NDNF: variants seen among roughly 807,000 people sequenced by gnomAD.
NDNF encodes neuron derived neurotrophic factor, also known as protein NDNF.
In NDNF, 16 loss-of-function variants were observed where a neutral mutation model predicts 42.0. That is an observed-to-expected ratio of 0.38 (90% CI 0.26 to 0.58). NDNF has a LOEUF of 0.58. Ranked by LOEUF, NDNF falls within the 20% of genes least tolerant of loss-of-function variation. The pLI is 0.67. For synonymous variants in NDNF, 248 were observed against 251.7 expected, an observed-to-expected ratio of 0.99 and a Z score of 0.14; for missense variants, 616 against 666.2, an observed-to-expected ratio of 0.92 and a Z score of 0.83.
intron 3 of NDNF, chr4:121,038,242 G>A (rs1350591894): frequency 6.6e-6 from 1 of 152,148 alleles, no homozygotes; most frequent in African/African-American, 2.4e-5. Context: ...GTAGTCCCAG[G>A]TACTTGGGAG....
In NDNF at chr4:121,046,307, T is replaced by G. The variant is rs192736419; in HGVS notation, c.-1-469A>C. Among the ~76,000 whole-genome samples the G allele has an allele frequency of 1.8e-3, 278 of 152,350 alleles. 1 individual carries two copies. The highest frequency in any genetic ancestry group is 6.3e-3 in the African/African-American group (262 of 41,588). ...CTAATTGCTGATATGGTTGAACTATTACATTCAACATAAATCACAGAGACT... is the reference window on the plus strand; with the variant it reads ...CTAATTGCTGATATGGTTGAACTATGACATTCAACATAAATCACAGAGACT... On this transcript the variant is annotated intron_variant, in intron 1 of 3. Coordinates refer to ENST00000379692, the MANE Select transcript of NDNF (RefSeq NM_024574.4).
At chr4:121,057,632 CA>C (rs1308404379) in intron 1 of NDNF, among the ~76,000 whole-genome samples, 2 of 152,162 alleles carry the variant, frequency 1.3e-5, no homozygotes, top group African/African-American at 4.8e-5. Flanking sequence ...TCCCCATTGT[CA>C]GCATGGTTTT....
At chr4:121,039,206 A>AAAGACTATGTATG (rs1560603284) in intron 3 of NDNF, among the ~76,000 whole-genome samples, 12 of 37,538 alleles carry the variant, frequency 3.2e-4, no homozygotes, top group African/African-American at 5.6e-4. Flanking sequence ...ATATATATAT[A>AAAGACTATGTATG]TATATATATA....
Position 121,036,782 on chromosome 4 carries a change from G to C in NDNF, c.1189C>G (p.Leu397Val). ...IQVRRDGKLL[L>V]SQNVEGIQQF... Reference sequence around the variant, plus strand: ...TGAATGCCTTCCACATTCTGAGACAGAAGAAGTTTCCCATCTCTTCTCACT... The same window carrying C: ...TGAATGCCTTCCACATTCTGAGACACAAGAAGTTTCCCATCTCTTCTCACT... Residue 397 changes from leucine to valine, a missense_variant, in exon 4 of 4, where the codon CTG (leucine) becomes GTG (valine). Transcript: ENST00000379692. The C allele has an allele frequency of 3.7e-6, 6 of 1,614,130 alleles. No homozygotes were observed. Among genetic ancestry groups the C allele is most frequent in the Non-Finnish European group, 5.1e-6 (6 of 1,180,012 alleles).
chr4:121,054,139 C>T (rs1486573319), intron 1 of NDNF, among the ~76,000 whole-genome samples: 3 of 152,088 alleles, frequency 2.0e-5, no homozygotes, highest in Non-Finnish European at 4.4e-5. Flanking sequence ...GATACCAAAA[C>T]CTAAATATGG....
At chr4:121,064,021 T>C (rs1316115397) in intron 1 of NDNF, among the ~76,000 whole-genome samples, 2 of 152,250 alleles carry the variant, frequency 1.3e-5, no homozygotes, top group African/African-American at 4.8e-5. Context: ...TATGGTCTTG[T>C]GGATTTAGGC....
chr4:121,053,537 T>G (rs929940079), intron 1 of NDNF, among the ~76,000 whole-genome samples: 2 of 152,186 alleles, frequency 1.3e-5, no homozygotes, highest in African/African-American at 4.8e-5. Context: ...AGTCTGTAAT[T>G]CAGGAAGCCA....
rs558329572 is a variant in NDNF, at chr4:121,068,785, G to C, written c.-2+3208C>G. ...CTTATCATGGAGAAACTAAGGAAAG[G>C]AGATTAAAATAATCTTAATTAGCAC... On this transcript the variant is annotated intron_variant, in intron 1 of 3. Coordinates refer to ENST00000379692, the MANE Select transcript of NDNF (RefSeq NM_024574.4). Among the ~76,000 whole-genome samples the C allele has an allele frequency of 8.5e-5, 13 of 152,150 alleles. No individual in the cohort carries two copies. The East Asian group carries it at 2.5e-3, about 29-fold the overall frequency.
chr4:121,045,202 A>G lies in NDNF; in HGVS notation c.188+448T>C, dbSNP rs189960379. Among the ~76,000 whole-genome samples the G allele has an allele frequency of 2.4e-4, 36 of 152,158 alleles. No homozygotes were observed. The East Asian group carries it at 4.9e-3, about 21-fold the overall frequency. ...CCCGTCTCTATTAAAAATACAAAAA[A>G]TTAGCCAGGCGTGGTGGAGGACGCC... On this transcript the variant is annotated intron_variant, in intron 2 of 3. Coordinates refer to ENST00000379692, the MANE Select transcript of NDNF (RefSeq NM_024574.4).
At chr4:121,052,083 A>C (rs753149239) in intron 1 of NDNF, among the ~76,000 whole-genome samples, 1 of 152,250 alleles carries the variant, frequency 6.6e-6, no homozygotes, top group Non-Finnish European at 1.5e-5. Flanking sequence ...TAATATGATC[A>C]AAACAAATTC....
intron 2 of NDNF, among the ~76,000 whole-genome samples, chr4:121,040,851 C>T (rs1490435041): frequency 5.9e-5 from 9 of 152,124 alleles, no homozygotes; most frequent in Non-Finnish European, 1.3e-4. Context: ...CACTGTGGTG[C>T]TCTGACTGGT....
intron 1 of NDNF, among the ~76,000 whole-genome samples, chr4:121,069,463 G>C (rs529957458): frequency 3.3e-5 from 5 of 152,184 alleles, no homozygotes; most frequent in Admixed American, 6.5e-5. Context: ...AAATAAATGC[G>C]TAATTTAAAC....
intron 1 of NDNF, among the ~76,000 whole-genome samples, chr4:121,071,201 C>G (rs113112439): frequency 3.3e-4 from 50 of 152,202 alleles, no homozygotes; most frequent in African/African-American, 1.1e-3. Context: ...ACAGACAGGA[C>G]GAGGGCACGA....
In NDNF at chr4:121,039,910, A is replaced by G; in HGVS notation, c.313+20T>C. 1 of 1,606,320 alleles carries G rather than the reference A, an allele frequency of 6.2e-7. No homozygotes were observed. The highest frequency in any genetic ancestry group is 8.5e-7 in the Non-Finnish European group (1 of 1,177,170). On this transcript the variant is annotated intron_variant, in intron 3 of 3. Coordinates refer to ENST00000379692, the MANE Select transcript of NDNF (RefSeq NM_024574.4). ...ACCATCCATTCAAAGGTCCAGGGGC[A>G]GATCTATCCTGCTGCTTACCTGAGC...
chr4:121,067,196 TTTTTC>T (rs1405597977), intron 1 of NDNF, among the ~76,000 whole-genome samples: 1 of 152,176 alleles, frequency 6.6e-6, no homozygotes, highest in Non-Finnish European at 1.5e-5. Flanking sequence ...CCTAAAAAAG[TTTTTC>T]TTTTAACTAT....
Position 121,037,421 on chromosome 4 carries a change from C to A in NDNF, c.550G>T (p.Val184Leu), listed in dbSNP as rs201759555. Residue 184 changes from valine (V) to leucine (L), a missense_variant, in exon 4 of 4, where the codon GTG (valine) becomes TTG (leucine). Transcript: ENST00000379692. ...PELPYDPRVD[V>L]TSLGRTTVTL... ...ACCGTGGTGCGCCCCAGTGAGGTCA[C>A]ATCTACTCTTGGGTCATAGGGTAAC... 1 of 1,614,048 alleles carries A rather than the reference C, an allele frequency of 6.2e-7. No homozygotes were observed. The highest frequency in any genetic ancestry group is 1.7e-5 in the Admixed American group (1 of 59,994).
chr4:121,039,178 A>ATGTGTG, intron 3 of NDNF, among the ~76,000 whole-genome samples: 1 of 66,720 alleles, frequency 1.5e-5, no homozygotes, highest in Non-Finnish European at 2.5e-5. Context: ...TATAAAGACT[A>ATGTGTG]TGTGTGTGTG....
intron 1 of NDNF, among the ~76,000 whole-genome samples, chr4:121,070,017 T>C (rs1283990587): frequency 6.6e-6 from 1 of 152,236 alleles, no homozygotes; most frequent in Non-Finnish European, 1.5e-5. Context: ...TGCAACCTTC[T>C]AAAAGATCAT....
intron 1 of NDNF, among the ~76,000 whole-genome samples, chr4:121,053,291 G>A (rs996925547): frequency 6.6e-5 from 10 of 152,136 alleles, no homozygotes; most frequent in Non-Finnish European, 1.2e-4. Flanking sequence ...CCAAGGATTC[G>A]AATAAAGTTT....
Sources: allele counts gnomAD v4.1 joint callset (sites outside exome capture counted in the v4.1 genomes callset), GRCh38; gene constraint gnomAD v4.1.1; transcripts MANE v1.5; gene names NCBI Gene and HGNC (gene_info 2026-07-23, HGNC 2026-07-21).